RGS7: variants seen among roughly 807,000 people sequenced by gnomAD.
The protein encoded by RGS7 is regulator of G protein signaling 7, also known as regulator of G-protein signaling 7.
RGS7 carries 27 observed loss-of-function variants against 81.1 expected under a neutral mutation model. The ratio of observed to expected loss-of-function variants is 0.33; its 90% CI spans 0.25 to 0.46. The LOEUF (loss-of-function observed/expected upper bound fraction) is 0.46, where lower values mean the gene tolerates loss of function less well. Among genes scored for constraint, RGS7 ranks in the 20% least tolerant of loss-of-function variants. The pLI, the probability that RGS7 is intolerant of heterozygous loss-of-function variation, is 1.00. For synonymous variants in RGS7, 208 were observed against 207.7 expected (o/e 1.00, Z -0.01); for missense variants, 396 against 607.4 (o/e 0.65, Z 3.66).
rs563883319 is a variant in RGS7, at chr1:240,789,253, C to T, written c.*6+11388G>A. On this transcript the variant is annotated intron_variant, in intron 18 of 18. Transcript: ENST00000440928. ...TGTCTTTACTTTAATCTCTTAATCCCGTCATCTTCATAAGCTGAGGAGGAT... is the reference window on the plus strand; with the variant it reads ...TGTCTTTACTTTAATCTCTTAATCCTGTCATCTTCATAAGCTGAGGAGGAT... Among the ~76,000 whole-genome samples the T allele has an allele frequency of 3.8e-4, 58 of 152,246 alleles. 1 individual carries two copies. Among genetic ancestry groups the T allele is most frequent in the East Asian group, 3.9e-4 (2 of 5,166 alleles).
At chr1:240,937,933 A>C (rs1676918503) in intron 4 of RGS7, among the ~76,000 whole-genome samples, 1 of 152,232 alleles carries the variant, frequency 6.6e-6, no homozygotes, top group Middle Eastern at 3.2e-3. Flanking sequence ...TGTAATACTC[A>C]TACTGTTTAT....
At chr1:241,228,515 G>C (rs1050677940) in intron 2 of RGS7, among the ~76,000 whole-genome samples, 1 of 152,074 alleles carries the variant, frequency 6.6e-6, no homozygotes, top group Admixed American at 6.6e-5. Context: ...AGAAACCCAA[G>C]GTACAGAGAG....
At chr1:241,145,614 A>C (rs1292090067) in intron 2 of RGS7, among the ~76,000 whole-genome samples, 1 of 152,230 alleles carries the variant, frequency 6.6e-6, no homozygotes, top group African/African-American at 2.4e-5. Context: ...AGGTTGTGGC[A>C]CATGCCTGCA....
intron 3 of RGS7, among the ~76,000 whole-genome samples, chr1:241,033,091 C>T (rs1255795664): frequency 6.6e-6 from 1 of 152,200 alleles, no homozygotes; most frequent in Non-Finnish European, 1.5e-5. Context: ...TGCGGTAGCT[C>T]ACGCCTGCAA....
intron 2 of RGS7, among the ~76,000 whole-genome samples, chr1:241,229,794 TA>T (rs1233315720): frequency 6.6e-6 from 1 of 152,218 alleles, no homozygotes; most frequent in African/African-American, 2.4e-5. Flanking sequence ...AGAACTATTT[TA>T]AAATCATTTT....
At chr1:241,019,823 T>C (rs1166643726) in intron 3 of RGS7, among the ~76,000 whole-genome samples, 3 of 152,220 alleles carry the variant, frequency 2.0e-5, no homozygotes, top group Non-Finnish European at 2.9e-5. Flanking sequence ...AACATGCATG[T>C]GCATGTGTCT....
intron 6 of RGS7, among the ~76,000 whole-genome samples, chr1:240,928,093 A>G (rs1044717387): frequency 1.3e-5 from 2 of 152,132 alleles, no homozygotes; most frequent in Non-Finnish European, 2.9e-5. Flanking sequence ...TGTTGCATAC[A>G]TTACCCGTAG....
chr1:241,057,309 T>C (rs1202388713), intron 3 of RGS7, among the ~76,000 whole-genome samples: 1 of 152,222 alleles, frequency 6.6e-6, no homozygotes, highest in Non-Finnish European at 1.5e-5. Context: ...GGATAAGTCA[T>C]TTAAATTCCC....
At chr1:241,280,114 T>C (rs1007906241) in intron 2 of RGS7, among the ~76,000 whole-genome samples, 1 of 152,196 alleles carries the variant, frequency 6.6e-6, no homozygotes, top group Non-Finnish European at 1.5e-5. Context: ...GCTTGTATCA[T>C]TAGTTGAGAT....
chr1:241,249,012 A>G (rs544673817), intron 2 of RGS7, among the ~76,000 whole-genome samples: 14 of 152,194 alleles, frequency 9.2e-5, no homozygotes, highest in Non-Finnish European at 1.6e-4. Context: ...TAGTCTATAT[A>G]CAAGTGCTTT....
At chr1:241,302,391 T>C (rs969196331) in intron 2 of RGS7, among the ~76,000 whole-genome samples, 3 of 151,986 alleles carry the variant, frequency 2.0e-5, no homozygotes, top group South Asian at 4.1e-4. Context: ...CTACTAAAAA[T>C]ACAAAAAATT....
intron 2 of RGS7, among the ~76,000 whole-genome samples, chr1:241,232,570 T>C (rs1000279341): frequency 6.6e-6 from 1 of 151,968 alleles, no homozygotes; most frequent in Admixed American, 6.6e-5. Context: ...AATTTTGAAA[T>C]GAGTGGTGTA....
At chr1:240,798,676 T>C (rs1267503287) in intron 18 of RGS7, among the ~76,000 whole-genome samples, 1 of 152,182 alleles carries the variant, frequency 6.6e-6, no homozygotes, top group Non-Finnish European at 1.5e-5. Context: ...ATAATGGCTA[T>C]AATAATATCT....
intron 2 of RGS7, among the ~76,000 whole-genome samples, chr1:241,335,497 G>C (rs1169056910): frequency 3.3e-5 from 5 of 152,276 alleles, no homozygotes; most frequent in Middle Eastern, 3.4e-3. Flanking sequence ...TAAAATATTA[G>C]TCAACCAATG....
intron 2 of RGS7, among the ~76,000 whole-genome samples, chr1:241,315,196 A>G (rs115207027): frequency 0.016 from 2,345 of 145,044 alleles, 27 homozygotes; most frequent in Middle Eastern, 0.053. Context: ...CCAGAAATCA[A>G]GACAGTCTTA....
At chr1:240,980,554 C>T (rs1434399049) in intron 4 of RGS7, among the ~76,000 whole-genome samples, 2 of 152,114 alleles carry the variant, frequency 1.3e-5, no homozygotes, top group Non-Finnish European at 2.9e-5. Flanking sequence ...GGCATTATAA[C>T]CACTTAGTCT....
chr1:241,157,022 G>C (rs542382917), intron 2 of RGS7, among the ~76,000 whole-genome samples: 1 of 152,026 alleles, frequency 6.6e-6, no homozygotes, highest in Non-Finnish European at 1.5e-5. Flanking sequence ...ATACATATGT[G>C]TGAGTGTACA....
chr1:241,204,381 G>A (rs1397889396), intron 2 of RGS7, among the ~76,000 whole-genome samples: 2 of 152,174 alleles, frequency 1.3e-5, no homozygotes, highest in African/African-American at 2.4e-5. Flanking sequence ...GCAGGGGGTG[G>A]ATAGATAAGA....
chr1:241,166,087 G>T (rs1348368102), intron 2 of RGS7, among the ~76,000 whole-genome samples: 1 of 152,156 alleles, frequency 6.6e-6, no homozygotes, highest in African/African-American at 2.4e-5. Context: ...GAGAACATCT[G>T]GGGGTGGGGA....
Sources: allele counts gnomAD v4.1 joint callset (sites outside exome capture counted in the v4.1 genomes callset), GRCh38; gene constraint gnomAD v4.1.1; transcripts MANE v1.5; gene names NCBI Gene and HGNC (gene_info 2026-07-23, HGNC 2026-07-21).